MTMR7: variants seen among roughly 807,000 people sequenced by gnomAD.
The protein encoded by MTMR7 is phosphatidylinositol-3-phosphate phosphatase MTMR7.
MTMR7 carries 76 observed loss-of-function variants against 81.2 expected under a neutral mutation model. That is an observed-to-expected ratio of 0.94 (90% confidence interval 0.78 to 1.13). The LOEUF (loss-of-function observed/expected upper bound fraction) is 1.13, where lower values mean the gene tolerates loss of function less well. Ranked by LOEUF, MTMR7 falls within the 50% of genes most tolerant of loss-of-function variation. The pLI, the probability that MTMR7 is intolerant of heterozygous loss-of-function variation, is 0.00. For synonymous variants in MTMR7, 372 were observed against 289.8 expected (o/e 1.28, Z -2.88); for missense variants, 1,044 against 820.0 (o/e 1.27, Z -3.34).
At chr8:17,325,658 C>G (rs1158871921) in intron 7 of MTMR7, among the ~76,000 whole-genome samples, 1 of 152,192 alleles carries the variant, frequency 6.6e-6, no homozygotes, top group Non-Finnish European at 1.5e-5. Context: ...TTTGCAAGTC[C>G]ACAGAACAAC....
At chr8:17,378,016 G>A (rs1267531567) in intron 1 of MTMR7, among the ~76,000 whole-genome samples, 3 of 152,184 alleles carry the variant, frequency 2.0e-5, no homozygotes, top group African/African-American at 7.2e-5. Context: ...AGTAGAGGAA[G>A]CTGTATCACT....
intron 5 of MTMR7, 127 bp from the exon 6 acceptor site, chr8:17,341,624 G>T: frequency 8.7e-7 from 1 of 1,152,258 alleles, no homozygotes; most frequent in Non-Finnish European, 1.2e-6. Flanking sequence ...ATGAAAACGT[G>T]ATACAGCTTT....
At chr8:17,386,881 G>A (rs1188479259) in intron 1 of MTMR7, among the ~76,000 whole-genome samples, 1 of 152,178 alleles carries the variant, frequency 6.6e-6, no homozygotes, top group African/African-American at 2.4e-5. Context: ...GCTCCTCAGA[G>A]GGAGCCTGGG....
At position 17,328,949 on chromosome 8, in the gene MTMR7, A is replaced by G. The variant is rs148677151; in HGVS notation, c.865+2201T>C. 4.8e-4 allele frequency among the ~76,000 whole-genome samples: 73 copies of G among 152,362 alleles called. 1 individual carries two copies. The highest frequency in any genetic ancestry group is 4.1e-3 in the Admixed American group (63 of 15,302). On this transcript the variant is annotated intron_variant, in intron 7 of 13. Transcript: ENST00000180173. ...ATTAGATCATCTCTATAGAGGACCT[A>G]CACAGGATGTGAACTTGGTCCTAGA...
At chr8:17,347,497 C>G (rs1038705070) in intron 5 of MTMR7, among the ~76,000 whole-genome samples, 5 of 152,152 alleles carry the variant, frequency 3.3e-5, no homozygotes, top group African/African-American at 1.2e-4. Flanking sequence ...TGCTCTACCC[C>G]CCGGCTGTAG....
At chr8:17,378,206 T>C (rs1820648532) in intron 1 of MTMR7, among the ~76,000 whole-genome samples, 1 of 152,072 alleles carries the variant, frequency 6.6e-6, no homozygotes. Context: ...CTGTCAAAAG[T>C]AATTTTGAAG....
intron 6 of MTMR7, among the ~76,000 whole-genome samples, chr8:17,336,586 A>T (rs561671211): frequency 5.3e-5 from 8 of 152,270 alleles, no homozygotes; most frequent in African/African-American, 1.9e-4. Context: ...AAAGAAAAAC[A>T]TCCCACGTGA....
chr8:17,393,017 T>C (rs1237368974), intron 1 of MTMR7, among the ~76,000 whole-genome samples: 1 of 152,212 alleles, frequency 6.6e-6, no homozygotes, highest in African/African-American at 2.4e-5. Flanking sequence ...AAACCAAAGC[T>C]TTCAAGATCA....
rs1821644962 is a variant in MTMR7, at chr8:17,408,209, T to G, written c.24+5060A>C. Among the ~76,000 whole-genome samples the G allele has an allele frequency of 2.7e-5, 2 of 74,454 alleles. 1 individual carries two copies. The allele number at this position is 74,454 out of a possible 152,430, so 48.8% of individuals were successfully genotyped here. A position where few individuals can be genotyped will look rare whatever the true frequency, so the allele number is the denominator to read the frequency against. On this transcript the variant is annotated intron_variant, in intron 1 of 13. Coordinates refer to ENST00000180173, the MANE Select transcript of MTMR7 (RefSeq NM_004686.5). ...ATCGAGACCATCCCGGCTAAAACGG[T>G]GAAACCCCGTCTCTACTAAAAATAC...
At chr8:17,368,435 T>G (rs911066680) in intron 3 of MTMR7, among the ~76,000 whole-genome samples, 2 of 152,066 alleles carry the variant, frequency 1.3e-5, no homozygotes, top group Non-Finnish European at 2.9e-5. Context: ...AGAGCTACAT[T>G]TTACTACTAG....
chr8:17,388,320 A>G (rs1453503778), intron 1 of MTMR7, among the ~76,000 whole-genome samples: 1 of 152,224 alleles, frequency 6.6e-6, no homozygotes, highest in Non-Finnish European at 1.5e-5. Context: ...GAGGAAAAGA[A>G]GAAAAAAGAG....
In MTMR7 at chr8:17,311,656, CAA is replaced by C. The variant is rs759101875; in HGVS notation, c.976-22_976-21del. ...CACTGCCTAGAAAACACACGATCCG[CAA>C]AGAGTCACAAAGAATGGCTGTAAAA... On this transcript the variant is annotated intron_variant, in intron 8 of 13. Coordinates refer to ENST00000180173, the MANE Select transcript of MTMR7 (RefSeq NM_004686.5). 2 of 1,613,798 alleles carry C rather than the reference CAA, an allele frequency of 1.2e-6. No individual in the cohort carries two copies. The highest frequency in any genetic ancestry group is 1.7e-6 in the Non-Finnish European group (2 of 1,179,868).
At chr8:17,394,997 G>C (rs1821208263) in intron 1 of MTMR7, among the ~76,000 whole-genome samples, 1 of 152,090 alleles carries the variant, frequency 6.6e-6, no homozygotes, top group South Asian at 2.1e-4. Flanking sequence ...TCACTGTTGT[G>C]TAACCATCAC....
chr8:17,408,983 A>G (rs1415665383), intron 1 of MTMR7, among the ~76,000 whole-genome samples: 1 of 152,182 alleles, frequency 6.6e-6, no homozygotes, highest in Non-Finnish European at 1.5e-5. Flanking sequence ...TTTGAATTTT[A>G]TCTCATTAAA....
At position 17,370,303 on chromosome 8, in the gene MTMR7, T is replaced by C. The variant is rs114632215; in HGVS notation, c.310+734A>G. Reference sequence around the variant, plus strand: ...CTTGAGGCCGAGGCAGGTAGATTACTTGAGGCCACGAGTTCAAGACCAGCC... The same window carrying C: ...CTTGAGGCCGAGGCAGGTAGATTACCTGAGGCCACGAGTTCAAGACCAGCC... On this transcript the variant is annotated intron_variant, in intron 3 of 13. Coordinates refer to ENST00000180173, the MANE Select transcript of MTMR7 (RefSeq NM_004686.5). Among the ~76,000 whole-genome samples, 897 of 151,924 alleles carry C rather than the reference T, an allele frequency of 5.9e-3. 12 individuals carry two copies. The highest frequency in any genetic ancestry group is 0.021 in the African/African-American group (857 of 41,466).
chr8:17,405,762 T>A (rs1821560198), intron 1 of MTMR7, among the ~76,000 whole-genome samples: 1 of 151,676 alleles, frequency 6.6e-6, no homozygotes, highest in African/African-American at 2.4e-5. Flanking sequence ...AAAAAATCAC[T>A]TTTCAGAAGG....
At chr8:17,350,744 C>A (rs1819705789) in intron 4 of MTMR7, among the ~76,000 whole-genome samples, 1 of 152,220 alleles carries the variant, frequency 6.6e-6, no homozygotes, top group African/African-American at 2.4e-5. Context: ...TGATGCCTCC[C>A]TTGCTGACCT....
chr8:17,405,874 ACACACC>A (rs773816379), intron 1 of MTMR7, among the ~76,000 whole-genome samples: 4,434 of 48,746 alleles, frequency 0.091, 79 homozygotes, highest in Admixed American at 0.17. Flanking sequence ...ACACACACAC[ACACACC>A]ACAGAGAAAA....
At chr8:17,378,049 A>C (rs1450213902) in intron 1 of MTMR7, among the ~76,000 whole-genome samples, 1 of 152,190 alleles carries the variant, frequency 6.6e-6, no homozygotes, top group East Asian at 1.9e-4. Flanking sequence ...AGAAAAGCTC[A>C]GTGGAGCAGA....
Sources: allele counts gnomAD v4.1 joint callset (sites outside exome capture counted in the v4.1 genomes callset), GRCh38; gene constraint gnomAD v4.1.1; transcripts MANE v1.5; gene names NCBI Gene and HGNC (gene_info 2026-07-23, HGNC 2026-07-21).